Variants in C7 observed in about 807,000 individuals in gnomAD.
C7 encodes complement component C7.
A neutral mutation model predicts 104.8 loss-of-function variants in C7; 83 were observed. That is an observed-to-expected ratio of 0.79 (90% CI 0.66 to 0.95). The LOEUF is 0.95. Among genes scored for constraint, C7 ranks in the 40% least tolerant of loss-of-function variants. The pLI is 0.00. For synonymous variants in C7, 415 were observed against 360.6 expected (o/e 1.15, Z -1.71); for missense variants, 1,070 against 1,011.2 (o/e 1.06, Z -0.79).
chr5:40,972,475 G>T lies in C7; in HGVS notation c.1955G>T (p.Gly652Val). Residue 652 changes from glycine (G) to valine (V), a missense_variant, in exon 15 of 18, where the codon GGT (glycine) becomes GTT (valine). Transcript: ENST00000313164. ...CCCCAAAAACCTTTCTACACAGTTG[G>T]TGAGAAGGTGACTGTTTCCTGTTCA... ...SHPQKPFYTV[G>V]EKVTVSCSGG... 6.2e-7 allele frequency: 1 copy of T among 1,613,870 alleles called. No individual in the cohort carries two copies. The highest frequency in any genetic ancestry group is 8.5e-7 in the Non-Finnish European group (1 of 1,179,794).
chr5:40,915,821 C>A (rs1383532599), intron 1 of C7, among the ~76,000 whole-genome samples: 4 of 151,780 alleles, frequency 2.6e-5, no homozygotes, highest in African/African-American at 9.7e-5. Context: ...AATTTTACAA[C>A]TGAAAAAAAG....
chr5:40,942,319 T>C (rs1739957159), intron 6 of C7, among the ~76,000 whole-genome samples: 1 of 151,914 alleles, frequency 6.6e-6, no homozygotes. Flanking sequence ...GCAAGAAAAA[T>C]GGAAGCTGTA....
chr5:40,920,073 T>C (rs1739407938), intron 1 of C7, among the ~76,000 whole-genome samples: 1 of 151,798 alleles, frequency 6.6e-6, no homozygotes, highest in Non-Finnish European at 1.5e-5. Flanking sequence ...GATGAACAAA[T>C]TTGACAAACT....
At chr5:40,955,278 T>A in intron 9 of C7, 109 bp from the exon 10 acceptor site, 1 of 1,002,724 alleles carries the variant, frequency 1.0e-6, no homozygotes, top group South Asian at 1.5e-5. Flanking sequence ...CCACAATTTA[T>A]CTTTTGACTG....
intron 6 of C7, among the ~76,000 whole-genome samples, chr5:40,943,548 C>T (rs190899961): frequency 6.0e-4 from 89 of 147,884 alleles, no homozygotes; most frequent in Non-Finnish European, 1.1e-3. Flanking sequence ...TAAAGACAGG[C>T]GGAAATAGGC....
intron 8 of C7, among the ~76,000 whole-genome samples, chr5:40,949,374 C>T (rs199803897): frequency 9.5e-5 from 12 of 126,258 alleles, no homozygotes; most frequent in African/African-American, 2.8e-4. Context: ...AAAAAAAAAA[C>T]ACAAAAAACT....
chr5:40,942,333 G>A (rs923078000), intron 6 of C7, among the ~76,000 whole-genome samples: 1 of 152,182 alleles, frequency 6.6e-6, no homozygotes, highest in Non-Finnish European at 1.5e-5. Flanking sequence ...AGCTGTAGGA[G>A]AGGGAACAAT....
At chr5:40,952,265 T>A (rs905926270) in intron 9 of C7, among the ~76,000 whole-genome samples, 1 of 152,230 alleles carries the variant, frequency 6.6e-6, no homozygotes, top group Non-Finnish European at 1.5e-5. Context: ...ACAGGGACAC[T>A]GAGGCCCAGA....
chr5:40,910,223 A>C (rs1227808887), intron 1 of C7, among the ~76,000 whole-genome samples: 1 of 152,240 alleles, frequency 6.6e-6, no homozygotes, highest in Non-Finnish European at 1.5e-5. Context: ...AACACAACCA[A>C]AAAGCTATTC....
At chr5:40,934,222 T>G (rs1739757849) in intron 3 of C7, 103 bp from the exon 4 acceptor site, 9 of 1,189,504 alleles carry the variant, frequency 7.6e-6, no homozygotes, top group Middle Eastern at 4.3e-4. Flanking sequence ...TTTTTCTAAT[T>G]GTATTACTTT....
intron 6 of C7, among the ~76,000 whole-genome samples, chr5:40,939,645 C>T (rs1739893709): frequency 6.6e-6 from 1 of 152,116 alleles, no homozygotes; most frequent in Non-Finnish European, 1.5e-5. Context: ...TTTTTTTTCT[C>T]CCTCTATACC....
chr5:40,971,915 A>G (rs11747673), intron 14 of C7: 209,576 of 371,252 alleles, frequency 0.56, 60,593 homozygotes, highest in African/African-American at 0.74. Context: ...CCTATGAATA[A>G]TCACTGCTCT....
At position 40,945,244 on chromosome 5, in the gene C7, G is replaced by A. The variant is rs769984570; in HGVS notation, c.614G>A (p.Trp205Ter). ...AATTATGAATTTTACAATAGTACTT[G>A]GTCTTATGTAAAACATACGTCGACA... ...DFNYEFYNST[W>*]SYVKHTSTEH... The change falls in exon 7 of 18, where the codon TGG becomes TAG. Residue 205 changes from tryptophan to a stop codon, truncating the protein, a stop_gained. Transcript: ENST00000313164. LOFTEE classifies it high-confidence loss of function. 10 of 1,552,724 alleles carry A rather than the reference G, an allele frequency of 6.4e-6. No homozygotes were observed. The South Asian group carries it at 7.3e-5, about 11-fold the overall frequency.
Position 40,909,525 on chromosome 5 carries a change from C to G in C7, c.-86C>G, listed in dbSNP as rs1739162529. The G allele has an allele frequency of 9.8e-7, 1 of 1,022,660 alleles. No individual in the cohort carries two copies. Among genetic ancestry groups the G allele is most frequent in the African/African-American group, 1.6e-5 (1 of 63,042 alleles). The allele number at this position is 1,022,660 out of a possible 1,614,324, so 63.3% of individuals were successfully genotyped here. Reference sequence around the variant, plus strand: ...GAGAGGCAGAGAGGCAGGCAGCCTGCTGGGCTCTTCCTGCTGTTGAAAACT... The same window carrying G: ...GAGAGGCAGAGAGGCAGGCAGCCTGGTGGGCTCTTCCTGCTGTTGAAAACT... On this transcript the variant is annotated 5_prime_UTR_variant, in exon 1 of 18. Transcript: ENST00000313164.
chr5:40,912,297 G>C (rs1174188343), intron 1 of C7, among the ~76,000 whole-genome samples: 1 of 152,186 alleles, frequency 6.6e-6, no homozygotes, highest in Non-Finnish European at 1.5e-5. Flanking sequence ...TAATGAGTAT[G>C]TATATGAAGA....
intron 13 of C7, 127 bp from the exon 14 acceptor site, chr5:40,964,613 CT>C (rs1194781331): frequency 2.6e-6 from 2 of 775,210 alleles, no homozygotes; most frequent in African/African-American, 1.8e-5. Context: ...TTTATAGACA[CT>C]TTTCTGAATC....
rs113982424 is a variant in C7 at position 40,961,693 on chromosome 5, T to C, written c.1662-392T>C. 1.7e-3 allele frequency among the ~76,000 whole-genome samples: 255 copies of C among 152,294 alleles called. 1 individual carries two copies. The highest frequency in any genetic ancestry group is 5.9e-3 in the African/African-American group (244 of 41,574). ...GAGCTGTCGCATCTCGTCCAATACC[T>C]TATTTTCAATACAGAATTAATTCTG... On this transcript the variant is annotated intron_variant, in intron 12 of 17. Transcript: ENST00000313164.
rs995397673 is a variant in C7 at position 40,945,334 on chromosome 5, A to G, written c.704A>G (p.Tyr235Cys). Residue 235 changes from tyrosine (Y) to cysteine (C), a missense_variant, in exon 7 of 18, where the codon TAT becomes TGT. Tyr to Cys is a radical substitution (Grantham distance 194). Transcript: ENST00000313164. ...FRSSSSSSRS[Y>C]TSHTNEIHKG... ...TCTTCATCATCTTCTTCACGCAGTT[A>G]TACTTCACATACCAATGAAATCCAT... The G allele has an allele frequency of 3.7e-6, 6 of 1,604,102 alleles. No homozygotes were observed. Among genetic ancestry groups the G allele is most frequent in the Non-Finnish European group, 5.1e-6 (6 of 1,176,990 alleles).
At chr5:40,937,794 T>G in intron 6 of C7, 104 bp downstream of exon 6, 1 of 943,182 alleles carries the variant, frequency 1.1e-6, no homozygotes, top group Non-Finnish European at 1.5e-6. Flanking sequence ...TGGCCTAATG[T>G]GTGGTCAATT....
Sources: allele counts gnomAD v4.1 joint callset (sites outside exome capture counted in the v4.1 genomes callset), GRCh38; gene constraint gnomAD v4.1.1; transcripts MANE v1.5; gene names NCBI Gene and HGNC (gene_info 2026-07-23, HGNC 2026-07-21).